Variants in FANCB observed in about 807,000 individuals in gnomAD.
The protein encoded by FANCB is FA complementation group B.
In FANCB, 5 loss-of-function variants were observed where a neutral mutation model predicts 38.9. The ratio of observed to expected loss-of-function variants is 0.13; its 90% confidence interval spans 0.07 to 0.27. FANCB has a LOEUF of 0.27. FANCB is among the 10% of genes least tolerant of loss of function. The pLI, the probability that FANCB is intolerant of heterozygous loss-of-function variation, is 1.00. For missense variants in FANCB, 573 were observed against 602.7 expected, an observed-to-expected ratio of 0.95 and a Z score of 0.52; for synonymous variants, 236 against 215.4, an observed-to-expected ratio of 1.10 and a Z score of -0.84.
chrX:14,730,611 G>GT, the FANCB span: 1 of 296,997 alleles, frequency 3.4e-6, no homozygotes, highest in Non-Finnish European at 5.9e-6. Context: ...GGTCATGGGG[G>GT]TGGGTTTCCT....
chrX:14,783,505 A>G, the FANCB span, among the ~76,000 whole-genome samples: 4 of 112,076 alleles, frequency 3.6e-5, no homozygotes, highest in Admixed American at 9.5e-5. Context: ...AGTAATTTGT[A>G]CCCCACCAGT....
the FANCB span, among the ~76,000 whole-genome samples, chrX:14,815,449 A>T: frequency 8.9e-6 from 1 of 112,531 alleles, no homozygotes; most frequent in Non-Finnish European, 1.9e-5. Flanking sequence ...GAATATTGCT[A>T]ATCATCAGAT....
downstream of FANCB, chrX:14,834,803 CTCATCATCAAAA>C (rs2092336854): frequency 1.8e-6 from 1 of 567,336 alleles, no homozygotes; most frequent in African/African-American, 2.3e-5. Flanking sequence ...CTTCAGTTTC[CTCATCATCAAAA>C]TCATCATCAT....
chrX:14,794,302 C>T, the FANCB span, among the ~76,000 whole-genome samples: 1 of 110,865 alleles, frequency 9.0e-6, no homozygotes. Context: ...GAAGATGATG[C>T]AAAAGTTTTT....
At chrX:14,836,806 T>C (rs951001605) in intron 10 of FANCB, among the ~76,000 whole-genome samples, 38 of 112,030 alleles carry the variant, frequency 3.4e-4, no homozygotes, top group African/African-American at 9.4e-4. Flanking sequence ...AGTCCTCTTA[T>C]CCAAAATTAA....
At chrX:14,807,037 G>GT in the FANCB span, among the ~76,000 whole-genome samples, 2 of 111,732 alleles carry the variant, frequency 1.8e-5, no homozygotes, top group East Asian at 5.6e-4. Context: ...AAAGGGAGAG[G>GT]TTTATTATCA....
the FANCB span, among the ~76,000 whole-genome samples, chrX:14,787,413 A>G: frequency 0.044 from 4,799 of 109,620 alleles, 259 homozygotes; most frequent in African/African-American, 0.14. Flanking sequence ...GAGGGTGGGG[A>G]TGTGGAAAAA....
At chrX:14,758,776 G>A in the FANCB span, among the ~76,000 whole-genome samples, 2 of 111,790 alleles carry the variant, frequency 1.8e-5, no homozygotes, top group African/African-American at 6.5e-5. Flanking sequence ...CAAATGAGAA[G>A]GAAGCAGAGA....
the FANCB span, among the ~76,000 whole-genome samples, chrX:14,707,036 C>G: frequency 1.0e-4 from 11 of 110,519 alleles, no homozygotes; most frequent in African/African-American, 3.6e-4. Flanking sequence ...ATAAAACTTA[C>G]AAAAATACCT....
chrX:14,738,451 G>A, the FANCB span, among the ~76,000 whole-genome samples: 3 of 111,647 alleles, frequency 2.7e-5, no homozygotes, highest in African/African-American at 6.5e-5. Flanking sequence ...CTGGTTATCC[G>A]CAATGCCTGC....
At chrX:14,716,942 T>C in the FANCB span, among the ~76,000 whole-genome samples, 1 of 111,378 alleles carries the variant, frequency 9.0e-6, no homozygotes, top group Non-Finnish European at 1.9e-5. Flanking sequence ...TCTGGAGACT[T>C]CAGGCTAAAC....
chrX:14,743,251 T>C, the FANCB span, among the ~76,000 whole-genome samples: 1 of 111,959 alleles, frequency 8.9e-6, no homozygotes, highest in Non-Finnish European at 1.9e-5. Flanking sequence ...CTCTTGGCAA[T>C]GTTTATAAGA....
At chrX:14,853,626 T>C (rs748947398) in intron 5 of FANCB, among the ~76,000 whole-genome samples, 35 of 112,310 alleles carry the variant, frequency 3.1e-4, no homozygotes, top group African/African-American at 1.0e-3. Context: ...TGCTCGAAAT[T>C]TTCTGTTCAT....
chrX:14,858,068 G>T lies in FANCB; in HGVS notation c.1105-114C>A, dbSNP rs2092430599. The T allele has an allele frequency of 9.6e-6, 5 of 521,009 alleles. No homozygotes were observed. The Admixed American group carries it at 1.3e-4, about 13-fold the overall frequency. 42.9% of individuals were successfully genotyped at this position (521,009 alleles called of 1,213,427 possible). On this transcript the variant is annotated intron_variant, in intron 4 of 9. Coordinates refer to ENST00000650831, the MANE Select transcript of FANCB (RefSeq NM_001018113.3). ...ATATCCAGTCAGAACAGTTTCCCTAGTGTGTATAAAATACACACTATTTTA... is the reference window on the plus strand; with the variant it reads ...ATATCCAGTCAGAACAGTTTCCCTATTGTGTATAAAATACACACTATTTTA...
chrX:14,754,432 T>C, the FANCB span, among the ~76,000 whole-genome samples: 1 of 112,436 alleles, frequency 8.9e-6, no homozygotes, highest in African/African-American at 3.2e-5. Flanking sequence ...TTAAAAGCAA[T>C]AAATGTTACT....
At chrX:14,760,941 AG>A in the FANCB span, among the ~76,000 whole-genome samples, 1 of 111,657 alleles carries the variant, frequency 9.0e-6, no homozygotes, top group African/African-American at 3.3e-5. Flanking sequence ...GCTGCACTCC[AG>A]CCTGGGTGAC....
At chrX:14,722,853 G>A in the FANCB span, among the ~76,000 whole-genome samples, 23 of 112,365 alleles carry the variant, frequency 2.0e-4, no homozygotes, top group African/African-American at 6.8e-4. Flanking sequence ...CTGACATGCA[G>A]AATGATACTT....
At chrX:14,708,941 CAAA>C in the FANCB span, among the ~76,000 whole-genome samples, 1 of 106,869 alleles carries the variant, frequency 9.4e-6, no homozygotes, top group African/African-American at 3.5e-5. Flanking sequence ...CGTCTCCACA[CAAA>C]AAGAAAAAAA....
At chrX:14,764,404 G>C in the FANCB span, among the ~76,000 whole-genome samples, 1 of 111,698 alleles carries the variant, frequency 9.0e-6, no homozygotes, top group South Asian at 3.8e-4. Context: ...CAGCAAGGGA[G>C]TGTCTGTTGC....
Sources: allele counts gnomAD v4.1 joint callset (sites outside exome capture counted in the v4.1 genomes callset), GRCh38; gene constraint gnomAD v4.1.1; transcripts MANE v1.5; gene names NCBI Gene and HGNC (gene_info 2026-07-23, HGNC 2026-07-21).